The following AKAP17A variants were observed in gnomAD, a reference collection of about 807,000 sequenced individuals.
The protein encoded by AKAP17A is A-kinase anchoring protein 17A, also known as A-kinase anchor protein 17A.
Under a neutral mutation model 52.2 loss-of-function variants are expected in AKAP17A, and 15 were observed. The observed-to-expected ratio is 0.29, with a 90% CI of 0.19 to 0.44. AKAP17A has a LOEUF of 0.44. AKAP17A is among the 20% of genes least tolerant of loss of function. The pLI is 1.00. For missense variants in AKAP17A, 1,060 were observed against 1,007.0 expected, an observed-to-expected ratio of 1.05 and a Z score of -0.71; for synonymous variants, 514 against 424.7, an observed-to-expected ratio of 1.21 and a Z score of -2.58.
chrX:1,595,327 C>T, intron 2 of AKAP17A, 57 bp from the exon 3 acceptor site: 1 of 1,607,520 alleles, frequency 6.2e-7, no homozygotes, highest in Non-Finnish European at 8.5e-7. Flanking sequence ...GGGCGCCTGG[C>T]CGTGTGTCTG....
intron 4 of AKAP17A, chrX:1,599,716 T>C (rs1372759216): frequency 2.9e-5 from 18 of 626,688 alleles, no homozygotes; most frequent in Non-Finnish European, 4.3e-5. Context: ...AGAGGCTCTC[T>C]GTTTCCTTTG....
Position 1,600,721 on chromosome X carries a change from G to T in AKAP17A, c.1215G>T (p.Glu405Asp). ...EEKLRLQQQEERRRLQEAELR... is the reference protein window; with the variant it reads ...EEKLRLQQQEDRRRLQEAELR... ...AGCTGAGGCTCCAGCAGCAGGAGGA[G>T]CGGCGGCGGCTGCAGGAGGCCGAGC... The change falls in exon 5 of 5, where the codon GAG (glutamate) becomes GAT (aspartate). Residue 405 changes from glutamate to aspartate, a missense_variant. By Grantham distance (45) the Glu-to-Asp change is conservative. Coordinates refer to ENST00000313871, the MANE Select transcript of AKAP17A (RefSeq NM_005088.3). 6.5e-7 allele frequency: 1 copy of T among 1,546,574 alleles called. No homozygotes were observed. The highest frequency in any genetic ancestry group is 2.0e-5 in the Admixed American group (1 of 51,008).
At chrX:1,598,168 G>A (rs1292788240) in intron 3 of AKAP17A, among the ~76,000 whole-genome samples, 1 of 152,128 alleles carries the variant, frequency 6.6e-6, no homozygotes, top group Non-Finnish European at 1.5e-5. Flanking sequence ...GCTGCCCTGA[G>A]CCGCCCTCCG....
chrX:1,598,554 G>A (rs1375857278), intron 3 of AKAP17A, among the ~76,000 whole-genome samples: 13 of 152,116 alleles, frequency 8.5e-5, no homozygotes, highest in Non-Finnish European at 1.8e-4. Context: ...GCTGCGGGGC[G>A]GGGGAGGCTG....
At position 1,601,439 on chromosome X, in the gene AKAP17A, C is replaced by T. The variant is rs1475448633; in HGVS notation, c.1933C>T (p.Arg645Trp). 8.9e-6 allele frequency: 14 copies of T among 1,572,456 alleles called. No individual in the cohort carries two copies. The highest frequency in any genetic ancestry group is 4.5e-5 in the East Asian group (2 of 44,328). Residue 645 changes from arginine to tryptophan, a missense_variant, in exon 5 of 5, where the codon CGG becomes TGG. Physicochemically the swap from Arg to Trp is moderately radical, Grantham distance 101. Around this residue, in one of 2 missense-constraint regions of AKAP17A, gnomAD observed 793 missense variants for 629.9 expected, o/e 1.26. Transcript: ENST00000313871. ...RRRSTSPDHT[R>W]SRRSHSKDRH... ...GCGCAGCACGAGCCCGGACCACACCCGGTCCCGGAGGTCCCACAGCAAAGA... is the reference window on the plus strand; with the variant it reads ...GCGCAGCACGAGCCCGGACCACACCTGGTCCCGGAGGTCCCACAGCAAAGA...
At chrX:1,598,000 G>A (rs1311187000) in intron 3 of AKAP17A, among the ~76,000 whole-genome samples, 5 of 152,158 alleles carry the variant, frequency 3.3e-5, no homozygotes, top group Admixed American at 6.5e-5. Context: ...GGAGGCCCAG[G>A]GCAGCCTCCT....
rs769342878 is a variant in AKAP17A, at chrX:1,594,126, C to G, written c.664C>G (p.Arg222Gly). ...GAACTTCGAGGCCTATGTGCAGTAC[C>G]GCGAGTACATGGGCTTCATCCAGGC... The part of the protein sequence containing the change: ...HLNFEAYVQY[R>G]EYMGFIQAMS... The change falls in exon 2 of 5, where the codon CGC (arginine) becomes GGC (glycine). Residue 222 changes from arginine (R) to glycine (G), a missense_variant. Around this residue, in one of 2 missense-constraint regions of AKAP17A, gnomAD observed 267 missense variants for 377.1 expected, o/e 0.71. Transcript: ENST00000313871. 6.2e-7 allele frequency: 1 copy of G among 1,613,194 alleles called. No individual in the cohort carries two copies. The highest frequency in any genetic ancestry group is 1.1e-5 in the South Asian group (1 of 90,990).
At position 1,602,056 on chromosome X, in the gene AKAP17A, G is replaced by A. The variant is rs1256974991; in HGVS notation, c.*462G>A. On this transcript the variant is annotated 3_prime_UTR_variant, in exon 5 of 5. Transcript: ENST00000313871. ...TGATTCTTTCCCCCCCGTTTGTAAT[G>A]TTAACTGATCAGGAAGTGCAGTTTG... 3 of 161,170 alleles carry A rather than the reference G, an allele frequency of 1.9e-5. No individual in the cohort carries two copies. Among genetic ancestry groups the A allele is most frequent in the African/African-American group, 7.2e-5 (3 of 41,866 alleles). The allele number at this position is 161,170 out of a possible 1,614,324, so 10.0% of individuals were successfully genotyped here.
chrX:1,598,047 G>A (rs749967318), intron 3 of AKAP17A, among the ~76,000 whole-genome samples: 2 of 152,294 alleles, frequency 1.3e-5, no homozygotes, highest in South Asian at 4.1e-4. Flanking sequence ...AGGCATGTTT[G>A]CTTGTTCAGC....
chrX:1,599,146 T>C (rs1221692641), intron 3 of AKAP17A, 46 bp from the exon 4 acceptor site: 4 of 1,598,444 alleles, frequency 2.5e-6, no homozygotes, highest in African/African-American at 1.3e-5. Flanking sequence ...GTGTGGTGTG[T>C]TGGCTGCGGC....
chrX:1,593,325 C>A, intron 1 of AKAP17A, 119 bp from the exon 2 acceptor site: 2 of 981,584 alleles, frequency 2.0e-6, no homozygotes, highest in African/African-American at 3.3e-5. Context: ...TCTGACACGG[C>A]AGAGAGACAC....
chrX:1,601,863 C>A lies in AKAP17A; in HGVS notation c.*269C>A. The stretch of plus-strand genomic sequence containing the variant: ...ATAGCTTTAATGCGGCCGGTCCTCT[C>A]TCAGTCAGGAAAATTGCACAGACCG... On this transcript the variant is annotated 3_prime_UTR_variant, in exon 5 of 5. Transcript: ENST00000313871. 2.6e-6 allele frequency: 1 copy of A among 388,130 alleles called. No individual in the cohort carries two copies. The highest frequency in any genetic ancestry group is 3.7e-5 in the East Asian group (1 of 26,696). 24.0% of individuals were successfully genotyped at this position (388,130 alleles called of 1,614,324 possible).
At chrX:1,598,439 G>C (rs1171622315) in intron 3 of AKAP17A, among the ~76,000 whole-genome samples, 2 of 151,994 alleles carry the variant, frequency 1.3e-5, no homozygotes, top group African/African-American at 4.8e-5. Context: ...CTAGGCGGTT[G>C]GCGGCGCCCA....
intron 3 of AKAP17A, 36 bp from the exon 4 acceptor site, chrX:1,599,156 C>A: frequency 6.2e-7 from 1 of 1,602,666 alleles, no homozygotes; most frequent in Non-Finnish European, 8.5e-7. Flanking sequence ...TTGGCTGCGG[C>A]GCTCTCTGTG....
At position 1,600,792 on chromosome X, in the gene AKAP17A, G is replaced by A. The variant is rs777102803; in HGVS notation, c.1286G>A (p.Arg429Gln). 49 of 1,585,834 alleles carry A rather than the reference G, an allele frequency of 3.1e-5. No homozygotes were observed. In the South Asian group the frequency reaches 3.5e-4, roughly 11 times the overall value. ...EEKERALGLQ[R>Q]KERELRERLL... ...AAGGAGCGCGCGCTGGGCCTGCAGC[G>A]GAAAGAGCGGGAGCTGCGCGAGCGG... The change falls in exon 5 of 5, where the codon CGG becomes CAG. Residue 429 changes from arginine to glutamine, a missense_variant. By Grantham distance (43) the Arg-to-Gln change is conservative (BLOSUM62 1). This residue lies in a region of AKAP17A where 793 missense variants were observed against 629.9 expected (regional missense o/e 1.26). Transcript: ENST00000313871.
intron 3 of AKAP17A, among the ~76,000 whole-genome samples, chrX:1,597,010 T>C (rs1221695269): frequency 6.6e-6 from 1 of 151,788 alleles, no homozygotes; most frequent in Non-Finnish European, 1.5e-5. Flanking sequence ...TTGCGCTTCA[T>C]GTCGCCGATA....
chrX:1,598,882 A>G (rs1459592668), intron 3 of AKAP17A, among the ~76,000 whole-genome samples: 1 of 152,120 alleles, frequency 6.6e-6, no homozygotes, highest in Non-Finnish European at 1.5e-5. Flanking sequence ...CCGTCTGCCC[A>G]TCCGTCTTTC....
chrX:1,600,049 C>T (rs1294495474), intron 4 of AKAP17A: 218 of 787,340 alleles, frequency 2.8e-4, no homozygotes, highest in Non-Finnish European at 3.9e-4. Context: ...CCAGGACAGA[C>T]GTCCCCGGCA....
At chrX:1,592,837 A>G (rs1202182233) in intron 1 of AKAP17A, among the ~76,000 whole-genome samples, 1 of 152,134 alleles carries the variant, frequency 6.6e-6, no homozygotes, top group African/African-American at 2.4e-5. Context: ...TAACTTGTGG[A>G]AAGTTCGTTG....
Sources: allele counts gnomAD v4.1 joint callset (sites outside exome capture counted in the v4.1 genomes callset), GRCh38; gene constraint gnomAD v4.1.1; regional missense constraint gnomAD v4.1.1; transcripts MANE v1.5; gene names NCBI Gene and HGNC (gene_info 2026-07-23, HGNC 2026-07-21).